Variants in SNTG1 observed in about 807,000 individuals in gnomAD.
SNTG1 encodes syntrophin gamma 1, also known as gamma-1-syntrophin.
A neutral mutation model predicts 74.7 loss-of-function variants in SNTG1; 39 were observed. That is an observed-to-expected ratio of 0.52 (90% CI 0.40 to 0.68). The LOEUF (loss-of-function observed/expected upper bound fraction) is 0.68. Ranked by LOEUF, SNTG1 falls within the 30% of genes least tolerant of loss-of-function variation. The pLI, the probability that SNTG1 is intolerant of heterozygous loss-of-function variation, is 0.00. For missense variants in SNTG1, 685 were observed against 609.5 expected, an observed-to-expected ratio of 1.12 and a Z score of -1.30; for synonymous variants, 254 against 217.1, an observed-to-expected ratio of 1.17 and a Z score of -1.49.
At chr8:50,765,765 T>C (rs747186580) in intron 18 of SNTG1, among the ~76,000 whole-genome samples, 3 of 152,010 alleles carry the variant, frequency 2.0e-5, no homozygotes, top group African/African-American at 2.4e-5. Context: ...AAAATTATCA[T>C]GTGGCTCTTG....
chr8:50,261,032 A>G (rs913781755), intron 2 of SNTG1, among the ~76,000 whole-genome samples: 3 of 152,234 alleles, frequency 2.0e-5, no homozygotes, highest in African/African-American at 7.2e-5. Flanking sequence ...TTCACAGAGC[A>G]GACTACATAC....
At chr8:50,528,044 C>T (rs2094236437) in intron 9 of SNTG1, among the ~76,000 whole-genome samples, 1 of 151,842 alleles carries the variant, frequency 6.6e-6, no homozygotes, top group African/African-American at 2.4e-5. Context: ...GACTTTTCTG[C>T]ATTCTTAACG....
intron 1 of SNTG1, among the ~76,000 whole-genome samples, chr8:50,113,288 T>C (rs149992): frequency 0.54 from 81,946 of 151,950 alleles, 24,497 homozygotes; most frequent in East Asian, 0.84. Flanking sequence ...AGCAGTGGTC[T>C]GTAGTTCTCC....
intron 1 of SNTG1, among the ~76,000 whole-genome samples, chr8:49,999,618 G>A (rs1015778759): frequency 5.9e-5 from 9 of 151,894 alleles, no homozygotes; most frequent in African/African-American, 2.2e-4. Flanking sequence ...TTGCACCTGC[G>A]ATTCCATGTG....
At chr8:50,415,762 C>CT (rs2093006200) in intron 4 of SNTG1, among the ~76,000 whole-genome samples, 1 of 151,954 alleles carries the variant, frequency 6.6e-6, no homozygotes. Context: ...AGATAGCCAC[C>CT]TTTTTAAAAA....
At chr8:50,283,989 G>T (rs2088619412) in intron 2 of SNTG1, among the ~76,000 whole-genome samples, 1 of 152,032 alleles carries the variant, frequency 6.6e-6, no homozygotes, top group Admixed American at 6.6e-5. Context: ...ATAAAGTAGA[G>T]TGCATACTTA....
intron 17 of SNTG1, among the ~76,000 whole-genome samples, chr8:50,726,033 C>G (rs996826122): frequency 6.6e-6 from 1 of 152,162 alleles, no homozygotes; most frequent in African/African-American, 2.4e-5. Context: ...CACATCTTCA[C>G]ATTTTATCCT....
chr8:50,192,083 A>T (rs950500810), intron 2 of SNTG1, among the ~76,000 whole-genome samples: 12 of 152,084 alleles, frequency 7.9e-5, no homozygotes, highest in African/African-American at 2.9e-4. Flanking sequence ...GTGTGGCCTG[A>T]TTTATTGAGA....
At chr8:50,453,649 T>C (rs1298529840) in intron 8 of SNTG1, among the ~76,000 whole-genome samples, 1 of 152,238 alleles carries the variant, frequency 6.6e-6, no homozygotes, top group Non-Finnish European at 1.5e-5. Context: ...GTTATGGGAA[T>C]GAATGAGAGT....
intron 1 of SNTG1, among the ~76,000 whole-genome samples, chr8:50,087,302 G>A (rs565639963): frequency 6.6e-6 from 1 of 152,194 alleles, no homozygotes; most frequent in African/African-American, 2.4e-5. Context: ...GTTTGTCTTC[G>A]ATTGTAACAA....
intron 1 of SNTG1, among the ~76,000 whole-genome samples, chr8:49,936,792 A>C (rs963339960): frequency 6.6e-6 from 1 of 152,206 alleles, no homozygotes; most frequent in African/African-American, 2.4e-5. Flanking sequence ...TTTTTCAAGC[A>C]AAAAACAGCA....
chr8:50,227,670 G>A (rs1161696257), intron 2 of SNTG1, among the ~76,000 whole-genome samples: 1 of 151,894 alleles, frequency 6.6e-6, no homozygotes, highest in Non-Finnish European at 1.5e-5. Flanking sequence ...AGTAGCTAGA[G>A]TTGAAAGAGC....
chr8:50,092,731 A>T (rs2079786209), intron 1 of SNTG1, among the ~76,000 whole-genome samples: 1 of 152,154 alleles, frequency 6.6e-6, no homozygotes, highest in African/African-American at 2.4e-5. Flanking sequence ...ATCACATCTT[A>T]GCATTTGCTT....
chr8:50,790,867 T>A (rs1021777215), intron 18 of SNTG1, among the ~76,000 whole-genome samples: 1 of 151,944 alleles, frequency 6.6e-6, no homozygotes, highest in African/African-American at 2.4e-5. Context: ...GGTTGTTTAT[T>A]TTTGGTAACC....
chr8:50,259,354 C>G (rs1261566320), intron 2 of SNTG1, among the ~76,000 whole-genome samples: 1 of 151,704 alleles, frequency 6.6e-6, no homozygotes, highest in Non-Finnish European at 1.5e-5. Context: ...CAAAAATTAG[C>G]CAGGCATGTT....
chr8:50,142,482 T>C (rs1291923499), intron 1 of SNTG1, among the ~76,000 whole-genome samples: 2 of 150,980 alleles, frequency 1.3e-5, no homozygotes, highest in Admixed American at 6.6e-5. Flanking sequence ...AGATTATATA[T>C]ATATATATAT....
chr8:50,184,190 G>T (rs1239296042), intron 2 of SNTG1, among the ~76,000 whole-genome samples: 1 of 151,992 alleles, frequency 6.6e-6, no homozygotes, highest in African/African-American at 2.4e-5. Flanking sequence ...TTTTGAGATG[G>T]AGTCTTGCTC....
At chr8:50,513,342 CAGTT>C (rs940096471) in intron 9 of SNTG1, among the ~76,000 whole-genome samples, 1 of 152,190 alleles carries the variant, frequency 6.6e-6, no homozygotes, top group East Asian at 1.9e-4. Context: ...GGGTGCCTCT[CAGTT>C]AGGCTACTCG....
intron 13 of SNTG1, among the ~76,000 whole-genome samples, chr8:50,626,014 C>T (rs191445890): frequency 3.9e-5 from 6 of 152,014 alleles, no homozygotes; most frequent in African/African-American, 9.7e-5. Flanking sequence ...GGCTTCAAAC[C>T]GATTATATAA....
Sources: allele counts gnomAD v4.1 joint callset (sites outside exome capture counted in the v4.1 genomes callset), GRCh38; gene constraint gnomAD v4.1.1; transcripts MANE v1.5; gene names NCBI Gene and HGNC (gene_info 2026-07-23, HGNC 2026-07-21).